PDE1C: variants seen among roughly 807,000 people sequenced by gnomAD.
PDE1C encodes dual specificity calcium/calmodulin-dependent 3',5'-cyclic nucleotide phosphodiesterase 1C.
PDE1C carries 62 observed loss-of-function variants against 93.1 expected under a neutral mutation model. The ratio of observed to expected loss-of-function variants is 0.67; its 90% CI spans 0.54 to 0.82. The LOEUF (loss-of-function observed/expected upper bound fraction) is 0.82, where lower values mean the gene tolerates loss of function less well. PDE1C is among the 40% of genes least tolerant of loss of function. PDE1C has a pLI of 0.00. For missense variants in PDE1C, 742 were observed against 884.6 expected (o/e 0.84, Z 2.04); for synonymous variants, 325 against 310.1 (o/e 1.05, Z -0.50).
intron 1 of PDE1C, among the ~76,000 whole-genome samples, chr7:32,282,968 G>C (rs1352834726): frequency 6.6e-6 from 1 of 152,136 alleles, no homozygotes; most frequent in Non-Finnish European, 1.5e-5. Context: ...CAAACCTCAC[G>C]TGTGGAATTG....
At chr7:32,153,072 C>T (rs1364109539) in intron 3 of PDE1C, among the ~76,000 whole-genome samples, 16 of 152,098 alleles carry the variant, frequency 1.1e-4, no homozygotes, top group Admixed American at 9.8e-4. Context: ...GTCAGCCTAT[C>T]CAGAGGGAAA....
At chr7:31,990,246 G>A (rs1216720639) in intron 2 of PDE1C, among the ~76,000 whole-genome samples, 1 of 152,130 alleles carries the variant, frequency 6.6e-6, no homozygotes, top group African/African-American at 2.4e-5. Context: ...ATGGGGACGG[G>A]TCTTTCCCAT....
chr7:32,092,900 T>A (rs1365150349), intron 3 of PDE1C, among the ~76,000 whole-genome samples: 1 of 152,146 alleles, frequency 6.6e-6, no homozygotes, highest in African/African-American at 2.4e-5. Flanking sequence ...TAAGGAAAGT[T>A]TAGAAAGGCA....
intron 1 of PDE1C, among the ~76,000 whole-genome samples, chr7:32,267,586 A>ACTCTCT (rs57210713): frequency 0.069 from 8,128 of 117,172 alleles, 337 homozygotes; most frequent in South Asian, 0.14. Context: ...ACACACACAC[A>ACTCTCT]CTCTCTCTCT....
the PDE1C span, chr7:31,643,673 G>T: frequency 6.2e-7 from 1 of 1,614,040 alleles, no homozygotes; most frequent in South Asian, 1.1e-5. Flanking sequence ...TCAGCTCTAA[G>T]CAACAAGACC....
chr7:31,700,841 G>T, the PDE1C span, among the ~76,000 whole-genome samples: 1 of 152,058 alleles, frequency 6.6e-6, no homozygotes, highest in Non-Finnish European at 1.5e-5. Flanking sequence ...CTGGATAAAG[G>T]CATACATGTT....
chr7:32,331,187 C>T (rs373513523), intron 1 of PDE1C, among the ~76,000 whole-genome samples: 1 of 152,140 alleles, frequency 6.6e-6, no homozygotes, highest in East Asian at 1.9e-4. Context: ...AGGGTGGCCT[C>T]GGGGATAGTG....
At position 31,940,263 on chromosome 7, in the gene PDE1C, G is replaced by A. The variant is rs1050079311; in HGVS notation, c.129-59403C>T. Among the ~76,000 whole-genome samples, 7 of 152,274 alleles carry A rather than the reference G, an allele frequency of 4.6e-5. No homozygotes were observed. The East Asian group carries it at 1.4e-3, about 29-fold the overall frequency. ...AGCCCTACCCAACCAAGCGGTATTG[G>A]AGGGGTGGAGTTGCCTGTGCTGTAG... is the stretch of plus-strand genomic sequence containing the variant. On this transcript the variant is annotated intron_variant, in intron 2 of 17. Coordinates refer to ENST00000396191, the MANE Select transcript of PDE1C (RefSeq NM_001191057.4).
chr7:31,682,750 G>A, the PDE1C span, among the ~76,000 whole-genome samples: 1 of 152,140 alleles, frequency 6.6e-6, no homozygotes. Flanking sequence ...GAATGGGTTA[G>A]ATAAATTGCG....
intron 17 of PDE1C, among the ~76,000 whole-genome samples, chr7:31,760,823 TTAAAA>T (rs1420893747): frequency 6.7e-6 from 1 of 150,042 alleles, no homozygotes; most frequent in Non-Finnish European, 1.5e-5. Context: ...ACTAACGAAA[TTAAAA>T]TAATCATTTA....
intron 1 of PDE1C, among the ~76,000 whole-genome samples, chr7:32,233,030 T>G (rs1384014694): frequency 6.6e-6 from 1 of 152,130 alleles, no homozygotes; most frequent in Non-Finnish European, 1.5e-5. Flanking sequence ...GAAAAATCAA[T>G]CTTAACATGC....
chr7:32,003,073 T>A (rs17160778), intron 2 of PDE1C, among the ~76,000 whole-genome samples: 37,535 of 152,130 alleles, frequency 0.25, 4,888 homozygotes, highest in African/African-American at 0.33. Context: ...ATTTCATTTC[T>A]GCAAAGTTTA....
At chr7:31,916,163 T>TG (rs1426805635) in intron 2 of PDE1C, among the ~76,000 whole-genome samples, 5 of 151,948 alleles carry the variant, frequency 3.3e-5, no homozygotes, top group Non-Finnish European at 4.4e-5. Context: ...GTACCAGATT[T>TG]GGGGGGGTAT....
intron 1 of PDE1C, among the ~76,000 whole-genome samples, chr7:32,311,511 C>T (rs1318320496): frequency 1.3e-5 from 2 of 152,118 alleles, no homozygotes; most frequent in Non-Finnish European, 2.9e-5. Context: ...CTCAATAAAA[C>T]ACTGGCAAAC....
At position 32,298,065 on chromosome 7, in the gene PDE1C, C is replaced by CTCTCTCTCTCTCTCTCTCTCTCT. The variant is rs1562660556; in HGVS notation, c.85+585_85+586insAGAGAGAGAGAGAGAGAGAGAGA. On this transcript the variant is annotated intron_variant, in intron 1 of 18. Coordinates refer to the PDE1C transcript ENST00000396193. ...CTCTCTCTCTCTCTCTCTCTCTCTCCCCTCTCTCTCTGAATTCCCCGGTCT... is the reference window on the plus strand; with the variant it reads ...CTCTCTCTCTCTCTCTCTCTCTCTCCTCTCTCTCTCTCTCTCTCTCTCTCCTCTCTCTCTGAATTCCCCGGTCT... 3.8e-4 allele frequency among the ~76,000 whole-genome samples: 8 copies of CTCTCTCTCTCTCTCTCTCTCTCT among 21,174 alleles called. 2 individuals carry two copies. Among genetic ancestry groups the CTCTCTCTCTCTCTCTCTCTCTCT allele is most frequent in the South Asian group, 4.2e-3 (2 of 478 alleles). 13.9% of individuals were successfully genotyped at this position (21,174 alleles called of 152,430 possible). A position where few individuals can be genotyped will look rare whatever the true frequency, so the allele number is the denominator to read the frequency against.
chr7:32,386,094 T>C (rs1391918617), intron 1 of PDE1C, among the ~76,000 whole-genome samples: 17 of 146,016 alleles, frequency 1.2e-4, no homozygotes, highest in East Asian at 5.8e-4. Flanking sequence ...TCTTTCTTTT[T>C]TTTTTTTTTT....
chr7:32,307,611 G>A (rs1441368107), intron 1 of PDE1C, among the ~76,000 whole-genome samples: 1 of 93,132 alleles, frequency 1.1e-5, no homozygotes, highest in Non-Finnish European at 2.4e-5. Context: ...GTTAAACCCT[G>A]CTGCATGCCC....
intron 3 of PDE1C, among the ~76,000 whole-genome samples, chr7:32,129,138 A>T (rs1799775112): frequency 6.6e-6 from 1 of 151,316 alleles, no homozygotes; most frequent in Non-Finnish European, 1.5e-5. Flanking sequence ...ATACCTTGAA[A>T]AAACAGAATT....
chr7:31,942,708 T>C (rs905674853), intron 2 of PDE1C, among the ~76,000 whole-genome samples: 10 of 152,168 alleles, frequency 6.6e-5, no homozygotes, highest in African/African-American at 2.4e-4. Flanking sequence ...AATATAGTCT[T>C]GTCTGGATTA....
Sources: gnomAD v4.1 joint callset for allele counts (sites outside exome capture counted in the v4.1 genomes callset) on GRCh38, gnomAD v4.1.1 for gene constraint, MANE v1.5 for transcripts, NCBI Gene and HGNC (gene_info 2026-07-23, HGNC 2026-07-21) for gene names.